Variants in SLC5A1 observed in about 807,000 individuals in gnomAD.
SLC5A1 encodes the protein sodium/glucose cotransporter 1.
A neutral mutation model predicts 73.5 loss-of-function variants in SLC5A1; 42 were observed. The observed-to-expected ratio is 0.57, with a 90% CI of 0.45 to 0.74. The LOEUF is 0.74. SLC5A1 is among the 30% of genes least tolerant of loss of function. The pLI is 0.00. For synonymous variants in SLC5A1, 300 were observed against 317.4 expected, an observed-to-expected ratio of 0.95 and a Z score of 0.58; for missense variants, 634 against 855.4, an observed-to-expected ratio of 0.74 and a Z score of 3.23.
chr22:32,049,022 C>A (rs888799003), intron 1 of SLC5A1, among the ~76,000 whole-genome samples: 3 of 150,656 alleles, frequency 2.0e-5, no homozygotes, highest in African/African-American at 7.3e-5. Context: ...TGCAGTGAGC[C>A]AAGATCGTGC....
Position 32,110,317 on chromosome 22 carries a change from C to A in SLC5A1, c.*104C>A, listed in dbSNP as rs1398441368. 2.3e-6 allele frequency: 2 copies of A among 885,764 alleles called. No homozygotes were observed. Among genetic ancestry groups the A allele is most frequent in the African/African-American group, 1.6e-5 (1 of 61,144 alleles). The allele number at this position is 885,764 out of a possible 1,614,324, so 54.9% of individuals were successfully genotyped here. On this transcript the variant is annotated 3_prime_UTR_variant, in exon 15 of 15. Transcript: ENST00000266088. ...GAAATCAGCCAGTTGTAAATTTTGC[C>A]CAGGTGGATAAATGTGTACATGTGT... is the stretch of plus-strand genomic sequence containing the variant.
Position 32,102,020 on chromosome 22 carries a change from A to T in SLC5A1, c.1450-2A>T, listed in dbSNP as rs766599146. 6 of 1,612,448 alleles carry T rather than the reference A, an allele frequency of 3.7e-6. No individual in the cohort carries two copies. In the South Asian group the frequency reaches 6.6e-5, roughly 18 times the overall value. On this transcript the variant is annotated splice_acceptor_variant, in intron 12 of 14. Coordinates refer to ENST00000266088, the MANE Select transcript of SLC5A1 (RefSeq NM_000343.4). LOFTEE classifies it high-confidence loss of function. ...GAGTTAACCCAGGGTTTTCTTTCAC[A>T]GGGAGCCTTTTGGGGACTGATCCTA...
chr22:32,072,845 T>A (rs2093984809), intron 5 of SLC5A1, among the ~76,000 whole-genome samples: 1 of 152,224 alleles, frequency 6.6e-6, no homozygotes, highest in African/African-American at 2.4e-5. Flanking sequence ...TACCTTCCTG[T>A]CCTGGCCTAC....
chr22:32,082,060 T>C, intron 6 of SLC5A1, 89 bp downstream of exon 6: 1 of 877,110 alleles, frequency 1.1e-6, no homozygotes, highest in Non-Finnish European at 2.0e-6. Context: ...AGGTGGTTTC[T>C]CTTCTTGAGG....
Position 32,110,411 on chromosome 22 carries a change from C to T in SLC5A1, c.*198C>T. ...TTATGCATTTGAAGCCAGTGTGATACAGCCATCTGTACCTACTGGAGCTGC... is the reference window on the plus strand; with the variant it reads ...TTATGCATTTGAAGCCAGTGTGATATAGCCATCTGTACCTACTGGAGCTGC... On this transcript the variant is annotated 3_prime_UTR_variant, in exon 15 of 15. Coordinates refer to ENST00000266088, the MANE Select transcript of SLC5A1 (RefSeq NM_000343.4). The T allele has an allele frequency of 4.7e-6, 3 of 635,556 alleles. No homozygotes were observed. The highest frequency in any genetic ancestry group is 1.8e-5 in the South Asian group (1 of 56,558). The allele number at this position is 635,556 out of a possible 1,614,324, so 39.4% of individuals were successfully genotyped here.
intron 11 of SLC5A1, among the ~76,000 whole-genome samples, chr22:32,096,202 A>G (rs973750486): frequency 6.6e-6 from 1 of 152,148 alleles, no homozygotes; most frequent in African/African-American, 2.4e-5. Context: ...ATTTTTTTCT[A>G]GATCCTACAG....
At chr22:32,099,635 C>T (rs986267030) in intron 12 of SLC5A1, among the ~76,000 whole-genome samples, 1 of 151,964 alleles carries the variant, frequency 6.6e-6, no homozygotes, top group South Asian at 2.1e-4. Context: ...CTATGTTGCC[C>T]AGGCTGGTCT....
intron 11 of SLC5A1, among the ~76,000 whole-genome samples, chr22:32,096,765 C>G (rs1273077640): frequency 3.9e-5 from 6 of 152,150 alleles, no homozygotes; most frequent in Non-Finnish European, 7.4e-5. Flanking sequence ...GGTCAACCTC[C>G]TTAGGGCAGG....
rs1369404768 is a variant in SLC5A1 at position 32,067,366 on chromosome 22, A to ATTT, written c.312+327_312+328insTTT. Among the ~76,000 whole-genome samples the ATTT allele has an allele frequency of 1.9e-4, 26 of 137,930 alleles. No individual in the cohort carries two copies. In the South Asian group the frequency reaches 5.8e-3, roughly 31 times the overall value. 90.5% of individuals were successfully genotyped at this position (137,930 alleles called of 152,430 possible). The stretch of plus-strand genomic sequence containing the variant: ...TATTATTATTATTATTTTTTTTAAA[A>ATTT]AAATTTTTATTATTTTATTTTTAGA... On this transcript the variant is annotated intron_variant, in intron 3 of 14. Coordinates refer to ENST00000266088, the MANE Select transcript of SLC5A1 (RefSeq NM_000343.4).
chr22:32,080,696 T>G (rs2093998381), intron 5 of SLC5A1, among the ~76,000 whole-genome samples: 1 of 152,080 alleles, frequency 6.6e-6, no homozygotes, highest in Non-Finnish European at 1.5e-5. Context: ...CACCTGGAGA[T>G]TTGAAAACAA....
intron 10 of SLC5A1, among the ~76,000 whole-genome samples, chr22:32,088,460 T>C (rs1412692849): frequency 1.3e-5 from 2 of 151,648 alleles, no homozygotes; most frequent in African/African-American, 4.8e-5. Context: ...CCTTAGCCTC[T>C]GTAGTAGCTG....
At chr22:32,099,102 AAAAATATATAT>A (rs1390961917) in intron 11 of SLC5A1, 70 bp from the exon 12 acceptor site, 1,591 of 129,228 alleles carry the variant, frequency 0.012, 8 homozygotes, top group Non-Finnish European at 0.015. Flanking sequence ...AAAAAAAAAA[AAAAATATATAT>A]ATATATATAT....
At chr22:32,073,924 A>G (rs2093986811) in intron 5 of SLC5A1, among the ~76,000 whole-genome samples, 1 of 152,198 alleles carries the variant, frequency 6.6e-6, no homozygotes, top group East Asian at 1.9e-4. Context: ...ATTAGAGACC[A>G]GTGTGCAAAG....
chr22:32,055,453 G>T (rs1197891073), intron 2 of SLC5A1, among the ~76,000 whole-genome samples: 1 of 152,210 alleles, frequency 6.6e-6, no homozygotes, highest in African/African-American at 2.4e-5. Flanking sequence ...TCCTAAGAGA[G>T]ACACTAATCA....
intron 2 of SLC5A1, among the ~76,000 whole-genome samples, chr22:32,058,478 A>T (rs541820717): frequency 7.2e-5 from 11 of 152,350 alleles, no homozygotes; most frequent in African/African-American, 2.6e-4. Context: ...AGCAATGAAC[A>T]TACTGATGAA....
intron 5 of SLC5A1, among the ~76,000 whole-genome samples, chr22:32,074,035 G>A (rs1440147221): frequency 6.6e-6 from 1 of 152,134 alleles, no homozygotes; most frequent in Non-Finnish European, 1.5e-5. Flanking sequence ...ATGTGAGCAG[G>A]AGGGTGAGGA....
At chr22:32,092,049 G>C (rs554719661) in intron 11 of SLC5A1, among the ~76,000 whole-genome samples, 10 of 152,224 alleles carry the variant, frequency 6.6e-5, no homozygotes, top group African/African-American at 2.2e-4. Flanking sequence ...CCCATCACTT[G>C]AGCATTATAC....
intron 11 of SLC5A1, among the ~76,000 whole-genome samples, chr22:32,096,147 T>C (rs1198037245): frequency 6.6e-6 from 1 of 152,204 alleles, no homozygotes; most frequent in Non-Finnish European, 1.5e-5. Flanking sequence ...TGATGCTCTG[T>C]CCATCTGAGT....
intron 6 of SLC5A1, among the ~76,000 whole-genome samples, chr22:32,082,289 G>A (rs1245111061): frequency 6.6e-6 from 1 of 152,206 alleles, no homozygotes; most frequent in Non-Finnish European, 1.5e-5. Flanking sequence ...AGAAATAAGT[G>A]AGCACAGGGG....
Sources: gnomAD v4.1 joint callset for allele counts (sites outside exome capture counted in the v4.1 genomes callset) on GRCh38, gnomAD v4.1.1 for gene constraint, MANE v1.5 for transcripts, NCBI Gene and HGNC (gene_info 2026-07-23, HGNC 2026-07-21) for gene names.